DNAJC21: variants seen among roughly 807,000 people sequenced by gnomAD.
DNAJC21 encodes DnaJ heat shock protein family (Hsp40) member C21.
DNAJC21 carries 63 observed loss-of-function variants against 72.4 expected under a neutral mutation model. The ratio of observed to expected loss-of-function variants is 0.87; its 90% CI spans 0.71 to 1.07. DNAJC21 has a LOEUF of 1.07. Among genes scored for constraint, DNAJC21 ranks in the 50% least tolerant of loss-of-function variants. DNAJC21 has a pLI of 0.00. For synonymous variants in DNAJC21, 203 were observed against 216.7 expected, an observed-to-expected ratio of 0.94 and a Z score of 0.56; for missense variants, 634 against 644.8, an observed-to-expected ratio of 0.98 and a Z score of 0.18.
rs771063992 is a variant in DNAJC21, at chr5:34,937,431, C to T, written c.544C>T (p.Arg182Ter). 2.1e-5 allele frequency: 34 copies of T among 1,613,852 alleles called. No individual in the cohort carries two copies. Among genetic ancestry groups the T allele is most frequent in the Admixed American group, 5.0e-5 (3 of 59,952 alleles). ...TRQASNRWEK[R>*]AMEKENKKIR... ...ACAGGCTTCAAACCGCTGGGAAAAA[C>T]GAGCCATGGAAAAAGAAAACAAAAA... The change falls in exon 5 of 12, where the codon CGA (arginine) becomes TGA (stop). Residue 182 changes from arginine (R) to a stop codon, truncating the protein, a stop_gained. Coordinates refer to ENST00000648817, the MANE Select transcript of DNAJC21 (RefSeq NM_001012339.3). LOFTEE classifies it high-confidence loss of function.
intron 5 of DNAJC21, among the ~76,000 whole-genome samples, chr5:34,938,435 TC>T (rs1333956985): frequency 6.6e-6 from 1 of 152,220 alleles, no homozygotes; most frequent in African/African-American, 2.4e-5. Context: ...GATACTCAGT[TC>T]ATTTTAGTTC....
Position 34,950,074 on chromosome 5 carries a change from T to A in DNAJC21, c.1186-96T>A. 3.7e-6 allele frequency: 5 copies of A among 1,338,960 alleles called. No individual in the cohort carries two copies. The South Asian group carries it at 8.8e-5, about 24-fold the overall frequency. The allele number at this position is 1,338,960 out of a possible 1,614,324, so 82.9% of individuals were successfully genotyped here. On this transcript the variant is annotated intron_variant, in intron 9 of 11. Transcript: ENST00000648817. The stretch of plus-strand genomic sequence containing the variant: ...TTAACTTACCTGCTTCTCCTTTTTA[T>A]TTCCCGAAGGTATATAACTATTTGG...
intron 3 of DNAJC21, 34 bp downstream of exon 3, chr5:34,935,867 C>A: frequency 1.2e-6 from 2 of 1,612,030 alleles, no homozygotes; most frequent in Non-Finnish European, 1.7e-6. Context: ...GATTTCTCAT[C>A]AAGTACTTCA....
chr5:34,938,901 A>G lies in DNAJC21; in HGVS notation c.787A>G (p.Asn263Asp), dbSNP rs899103578. ...YREQSWMTMA[N>D]LEKELQEMEA... ...AGAACAGAGCTGGATGACTATGGCC[A>G]ATTTGGAGAAAGAGCTCCAGGAGAT... Residue 263 changes from asparagine to aspartate, a missense_variant, in exon 6 of 12, where the codon AAT becomes GAT. Asn to Asp is a conservative substitution (Grantham distance 23, BLOSUM62 1). Transcript: ENST00000648817. 2 of 1,614,062 alleles carry G rather than the reference A, an allele frequency of 1.2e-6. No homozygotes were observed. Among genetic ancestry groups the G allele is most frequent in the Non-Finnish European group, 1.7e-6 (2 of 1,180,034 alleles).
In DNAJC21 at chr5:34,954,842, C is replaced by A; in HGVS notation, c.*128C>A. 1.8e-6 allele frequency: 2 copies of A among 1,081,794 alleles called. No individual in the cohort carries two copies. The highest frequency in any genetic ancestry group is 2.5e-6 in the Non-Finnish European group (2 of 803,388). The allele number at this position is 1,081,794 out of a possible 1,614,324, so 67.0% of individuals were successfully genotyped here. On this transcript the variant is annotated 3_prime_UTR_variant, in exon 12 of 12. Coordinates refer to ENST00000648817, the MANE Select transcript of DNAJC21 (RefSeq NM_001012339.3). Reference sequence around the variant, plus strand: ...TACATTGTGGAAGATTATTTTTTATCTTGTAAAAACACTTTTTTGGTTTAA... The same window carrying A: ...TACATTGTGGAAGATTATTTTTTATATTGTAAAAACACTTTTTTGGTTTAA...
intron 5 of DNAJC21, among the ~76,000 whole-genome samples, chr5:34,938,258 G>C (rs1764862792): frequency 6.6e-6 from 1 of 152,198 alleles, no homozygotes; most frequent in South Asian, 2.1e-4. Flanking sequence ...TCACAGCAAT[G>C]CTGTGAAGTA....
At position 34,938,918 on chromosome 5, in the gene DNAJC21, C is replaced by G; in HGVS notation, c.804C>G (p.Leu268=). ...WMTMANLEKE[L]QEMEARYEKE... ...CTATGGCCAATTTGGAGAAAGAGCT[C>G]CAGGAGATGGAGGCACGGTACGAGA... The change falls in exon 6 of 12, where the codon CTC becomes CTG. Residue 268 remains leucine, a synonymous_variant. Coordinates refer to ENST00000648817, the MANE Select transcript of DNAJC21 (RefSeq NM_001012339.3). 6.2e-7 allele frequency: 1 copy of G among 1,613,924 alleles called. No individual in the cohort carries two copies.
intron 11 of DNAJC21, chr5:34,954,204 C>G (rs1765467161): frequency 2.0e-6 from 1 of 499,974 alleles, no homozygotes; most frequent in South Asian, 4.1e-5. Context: ...CTAGACTGTA[C>G]CAGAACAGTT....
intron 7 of DNAJC21, among the ~76,000 whole-genome samples, chr5:34,942,809 C>T (rs1260727666): frequency 6.6e-6 from 1 of 152,160 alleles, no homozygotes; most frequent in East Asian, 1.9e-4. Context: ...TGGCTCACGC[C>T]TGTAATCCCA....
At chr5:34,943,023 G>A (rs901358675) in intron 7 of DNAJC21, among the ~76,000 whole-genome samples, 13 of 151,940 alleles carry the variant, frequency 8.6e-5, no homozygotes, top group African/African-American at 2.4e-4. Flanking sequence ...AGCCAAGATC[G>A]TGCCATTGCA....
intron 9 of DNAJC21, among the ~76,000 whole-genome samples, chr5:34,949,935 A>T (rs1765303713): frequency 6.6e-6 from 1 of 152,234 alleles, no homozygotes; most frequent in South Asian, 2.1e-4. Flanking sequence ...TGGAAACATG[A>T]TACTTAAGCA....
intron 9 of DNAJC21, 104 bp from the exon 10 acceptor site, chr5:34,950,063 TCTC>T: frequency 8.0e-7 from 1 of 1,256,900 alleles, no homozygotes; most frequent in East Asian, 2.5e-5. Context: ...CTTACCTGCT[TCTC>T]CTTTTTATTT....
intron 9 of DNAJC21, chr5:34,949,425 A>T: frequency 6.8e-7 from 1 of 1,481,472 alleles, no homozygotes; most frequent in Non-Finnish European, 9.0e-7. Context: ...CCTATCCTGT[A>T]TATCCCTATA....
chr5:34,945,693 T>A, intron 8 of DNAJC21, 68 bp from the exon 9 acceptor site: 1 of 552,132 alleles, frequency 1.8e-6, no homozygotes, highest in Non-Finnish European at 2.6e-6. Context: ...GTGTTTCAAC[T>A]TTTTTTTTTT....
Position 34,958,940 on chromosome 5 carries a change from T to C in DNAJC21, c.*4226T>C, listed in dbSNP as rs148901655. The C allele has an allele frequency of 9.2e-4, 140 of 152,350 alleles. 1 individual carries two copies. Among genetic ancestry groups the C allele is most frequent in the African/African-American group, 3.2e-3 (132 of 41,580 alleles). The allele number at this position is 152,350 out of a possible 1,614,324, so 9.4% of individuals were successfully genotyped here. On this transcript the variant is annotated 3_prime_UTR_variant, in exon 12 of 12. Transcript: ENST00000648817. The stretch of plus-strand genomic sequence containing the variant: ...TTTACAAATCTCTTTAACATTTAGC[T>C]TAATAAAAGATAGCTGGCCTCTCAT...
chr5:34,932,883 G>A (rs745508013), intron 1 of DNAJC21, among the ~76,000 whole-genome samples: 2 of 152,168 alleles, frequency 1.3e-5, no homozygotes, highest in Non-Finnish European at 2.9e-5. Flanking sequence ...ACCTCATCTC[G>A]GAAGTGAGGT....
In DNAJC21 at chr5:34,938,840, T is replaced by C; in HGVS notation, c.744-18T>C. 1.9e-6 allele frequency: 3 copies of C among 1,577,532 alleles called. No individual in the cohort carries two copies. In the South Asian group the frequency reaches 3.6e-5, roughly 19 times the overall value. ...AGAGGCGTGCTTGTCGCTGTGAGAC[T>C]GTGCTGTATGTGTCTAGACTGGTGG... On this transcript the variant is annotated intron_variant, in intron 5 of 11. Transcript: ENST00000648817.
At chr5:34,951,486 A>G (rs1765361558) in intron 10 of DNAJC21, 2 of 983,320 alleles carry the variant, frequency 2.0e-6, no homozygotes, top group East Asian at 1.1e-4. Flanking sequence ...GGGCCCCTGA[A>G]CCCCTTTTTC....
chr5:34,953,072 C>T (rs1239296234), intron 10 of DNAJC21, among the ~76,000 whole-genome samples: 1 of 151,958 alleles, frequency 6.6e-6, no homozygotes, highest in Non-Finnish European at 1.5e-5. Flanking sequence ...ATCGCTTGAA[C>T]CCGGGAGGCA....
Sources: gnomAD v4.1 joint callset for allele counts (sites outside exome capture counted in the v4.1 genomes callset) on GRCh38, gnomAD v4.1.1 for gene constraint, MANE v1.5 for transcripts, NCBI Gene and HGNC (gene_info 2026-07-23, HGNC 2026-07-21) for gene names.